EPB41L4A: variants seen among roughly 807,000 people sequenced by gnomAD.
EPB41L4A encodes band 4.1-like protein 4A.
A neutral mutation model predicts 108.6 loss-of-function variants in EPB41L4A; 100 were observed. That is an observed-to-expected ratio of 0.92 (90% CI 0.78 to 1.09). The LOEUF is 1.09. Among genes scored for constraint, EPB41L4A ranks in the 50% least tolerant of loss-of-function variants. The pLI, the probability that EPB41L4A is intolerant of heterozygous loss-of-function variation, is 0.00. For synonymous variants in EPB41L4A, 319 were observed against 289.0 expected (o/e 1.10, Z -1.05); for missense variants, 1,030 against 842.7 (o/e 1.22, Z -2.75).
chr5:112,350,988 T>C (rs1035060922), intron 1 of EPB41L4A, among the ~76,000 whole-genome samples: 2 of 152,208 alleles, frequency 1.3e-5, no homozygotes, highest in Non-Finnish European at 2.9e-5. Flanking sequence ...TTTGGATAAA[T>C]ATCCAGTAGT....
At chr5:112,304,869 G>A (rs1214272595) in intron 2 of EPB41L4A, among the ~76,000 whole-genome samples, 4 of 152,128 alleles carry the variant, frequency 2.6e-5, no homozygotes, top group Non-Finnish European at 5.9e-5. Flanking sequence ...AAAATTAAGT[G>A]ATTTCACCAT....
At chr5:112,160,293 A>G (rs1347028051), downstream of EPB41L4A, among the ~76,000 whole-genome samples, 1 of 152,026 alleles carries the variant, frequency 6.6e-6, no homozygotes, top group Non-Finnish European at 1.5e-5. Flanking sequence ...GCGCTACCCT[A>G]TGGCATGACC....
chr5:112,155,340 A>C (rs956791547), intron 12 of EPB41L4A, among the ~76,000 whole-genome samples: 7 of 152,110 alleles, frequency 4.6e-5, no homozygotes, highest in Non-Finnish European at 8.8e-5. Flanking sequence ...TTTAGCTCCC[A>C]AAACTCAATG....
At chr5:112,307,537 C>G (rs1313425798) in intron 1 of EPB41L4A, 47 bp from the exon 2 acceptor site, 1 of 1,227,102 alleles carries the variant, frequency 8.1e-7, no homozygotes, top group Admixed American at 1.7e-5. Context: ...CCTTTTGTTC[C>G]TAAGTAGTAC....
At chr5:112,378,340 G>C (rs556073887) in intron 1 of EPB41L4A, among the ~76,000 whole-genome samples, 4 of 152,166 alleles carry the variant, frequency 2.6e-5, no homozygotes, top group African/African-American at 4.8e-5. Flanking sequence ...ACCTAGAGCA[G>C]AGAGTAGTTT....
In EPB41L4A at chr5:112,277,995, T is replaced by G. The variant is rs745899862; in HGVS notation, c.256+2277A>C. ...AAAACTGGGAATCCTCTATATTTTGTGTAGACTAATTTTGAGGTCTTTGAT... is the reference window on the plus strand; with the variant it reads ...AAAACTGGGAATCCTCTATATTTTGGGTAGACTAATTTTGAGGTCTTTGAT... On this transcript the variant is annotated intron_variant, in intron 3 of 22. Transcript: ENST00000261486. 2.6e-5 allele frequency among the ~76,000 whole-genome samples: 4 copies of G among 152,324 alleles called. No individual in the cohort carries two copies. In the Middle Eastern group the frequency reaches 0.01, roughly 389 times the overall value.
At chr5:112,158,901 G>A (rs1202198068), downstream of EPB41L4A, among the ~76,000 whole-genome samples, 2 of 152,178 alleles carry the variant, frequency 1.3e-5, no homozygotes, top group African/African-American at 4.8e-5. Context: ...ACTTTCCCTA[G>A]CAAGAAGGCA....
At chr5:112,392,466 AC>A (rs1761018603) in intron 1 of EPB41L4A, among the ~76,000 whole-genome samples, 1 of 151,826 alleles carries the variant, frequency 6.6e-6, no homozygotes, top group South Asian at 2.1e-4. Flanking sequence ...CAGACTTTAA[AC>A]CAACAAAGAT....
chr5:112,369,992 C>G (rs888384422), intron 1 of EPB41L4A, among the ~76,000 whole-genome samples: 3 of 152,168 alleles, frequency 2.0e-5, no homozygotes, highest in African/African-American at 7.2e-5. Flanking sequence ...TTTCTATACA[C>G]AACTGGCAAC....
At chr5:112,356,869 A>G (rs1165660903) in intron 1 of EPB41L4A, among the ~76,000 whole-genome samples, 2 of 152,252 alleles carry the variant, frequency 1.3e-5, no homozygotes, top group East Asian at 1.9e-4. Context: ...TATCACCTCC[A>G]AAGTGACATA....
At chr5:112,419,598 A>C (rs1027869296), upstream of EPB41L4A, 1 of 454,676 alleles carries the variant, frequency 2.2e-6, no homozygotes, top group South Asian at 1.6e-5. Flanking sequence ...TCCGCCGAGT[A>C]TGAAGCGCTC....
intron 1 of EPB41L4A, among the ~76,000 whole-genome samples, chr5:112,407,152 C>G (rs1311506624): frequency 2.0e-5 from 3 of 152,022 alleles, no homozygotes; most frequent in African/African-American, 4.8e-5. Flanking sequence ...GTGAAGCTAC[C>G]ACATTATCTA....
At chr5:112,391,161 C>T (rs1399658838) in intron 1 of EPB41L4A, among the ~76,000 whole-genome samples, 3 of 152,176 alleles carry the variant, frequency 2.0e-5, no homozygotes, top group African/African-American at 4.8e-5. Context: ...TAGAGCGCCT[C>T]TTCTCCTCCA....
intron 11 of EPB41L4A, among the ~76,000 whole-genome samples, chr5:112,238,976 T>G (rs1000489341): frequency 1.3e-5 from 2 of 152,214 alleles, no homozygotes; most frequent in Non-Finnish European, 2.9e-5. Flanking sequence ...GCTAACAGTT[T>G]GCCTAATGGT....
At chr5:112,344,100 A>G (rs994520379) in intron 1 of EPB41L4A, among the ~76,000 whole-genome samples, 12 of 152,218 alleles carry the variant, frequency 7.9e-5, no homozygotes, top group African/African-American at 2.9e-4. Flanking sequence ...TGATAATATT[A>G]TAGGAATTAT....
At chr5:112,178,029 G>C (rs989866478) in intron 18 of EPB41L4A, among the ~76,000 whole-genome samples, 6 of 150,270 alleles carry the variant, frequency 4.0e-5, no homozygotes, top group Non-Finnish European at 8.8e-5. Context: ...GACAGGGATT[G>C]TCAGGCTAGA....
intron 4 of EPB41L4A, among the ~76,000 whole-genome samples, chr5:112,267,373 A>C (rs115281173): frequency 0.02 from 3,019 of 152,306 alleles, 93 homozygotes; most frequent in African/African-American, 0.069. Context: ...CAACCAAAGC[A>C]CTTAGTGAGG....
intron 1 of EPB41L4A, among the ~76,000 whole-genome samples, chr5:112,384,959 C>T (rs1162880295): frequency 6.6e-6 from 1 of 152,206 alleles, no homozygotes; most frequent in East Asian, 1.9e-4. Flanking sequence ...CAGTCCTGAT[C>T]ACTGCACAAG....
chr5:112,382,686 G>C (rs1206674080), intron 1 of EPB41L4A, among the ~76,000 whole-genome samples: 2 of 152,166 alleles, frequency 1.3e-5, no homozygotes, highest in African/African-American at 4.8e-5. Context: ...ATGTGGGAGG[G>C]TTGGGGGAAC....
Sources: allele counts gnomAD v4.1 joint callset (sites outside exome capture counted in the v4.1 genomes callset), GRCh38; gene constraint gnomAD v4.1.1; transcripts MANE v1.5; gene names NCBI Gene and HGNC (gene_info 2026-07-23, HGNC 2026-07-21).